Variants in SCN8A observed in about 807,000 individuals in gnomAD.
SCN8A encodes sodium voltage-gated channel alpha subunit 8.
A neutral mutation model predicts 184.1 loss-of-function variants in SCN8A; 30 were observed. That is an observed-to-expected ratio of 0.16 (90% CI 0.12 to 0.22). The LOEUF is 0.22. Among genes scored for constraint, SCN8A ranks in the 10% least tolerant of loss-of-function variants. The pLI, the probability that SCN8A is intolerant of heterozygous loss-of-function variation, is 1.00. For synonymous variants in SCN8A, 852 were observed against 907.0 expected (o/e 0.94, Z 1.09); for missense variants, 1,057 against 2,498.9 (o/e 0.42, Z 12.30).
At chr12:51,748,922 G>T (rs745321311) in intron 13 of SCN8A, among the ~76,000 whole-genome samples, 16 of 152,180 alleles carry the variant, frequency 1.1e-4, no homozygotes, top group Non-Finnish European at 2.1e-4. Context: ...CACTATCTTG[G>T]TGAAATTGTG....
intron 6 of SCN8A, chr12:51,689,381 G>T: frequency 2.8e-6 from 1 of 359,468 alleles, no homozygotes. Flanking sequence ...AGAGCTAGCT[G>T]TCTCTTTGTA....
At chr12:51,715,657 C>CAAAAAAA (rs71092719) in intron 11 of SCN8A, among the ~76,000 whole-genome samples, 1 of 71,848 alleles carries the variant, frequency 1.4e-5, no homozygotes, top group African/African-American at 5.3e-5. Flanking sequence ...GTCTCTGTCT[C>CAAAAAAA]AAAAAAAAAA....
At chr12:51,621,027 A>G (rs572765819) in intron 1 of SCN8A, among the ~76,000 whole-genome samples, 1 of 152,152 alleles carries the variant, frequency 6.6e-6, no homozygotes, top group South Asian at 2.1e-4. Flanking sequence ...ACCACGGTGG[A>G]GCAGACTATG....
Position 51,788,440 on chromosome 12 carries a change from T to G in SCN8A, c.4228-255T>G, listed in dbSNP as rs141295847. ...AGGCAGGCTTCTCAGGCCCATGTTT[T>G]TGAGTCCTTTCGTAAAGCCTTAATC... On this transcript the variant is annotated intron_variant, in intron 22 of 26. Coordinates refer to ENST00000627620, the MANE Select transcript of SCN8A (RefSeq NM_001330260.2). 36 of 271,368 alleles carry G rather than the reference T, an allele frequency of 1.3e-4. 1 individual carries two copies. The East Asian group carries it at 2.5e-3, about 19-fold the overall frequency. The allele number at this position is 271,368 out of a possible 1,614,324, so 16.8% of individuals were successfully genotyped here.
intron 14 of SCN8A, among the ~76,000 whole-genome samples, chr12:51,754,028 G>T (rs1476279526): frequency 6.6e-6 from 1 of 152,108 alleles, no homozygotes; most frequent in African/African-American, 2.4e-5. Flanking sequence ...AAAGAAAGAT[G>T]AGAACAGTCT....
At chr12:51,693,980 T>C (rs1374237497) in intron 6 of SCN8A, among the ~76,000 whole-genome samples, 3 of 152,258 alleles carry the variant, frequency 2.0e-5, no homozygotes, top group African/African-American at 4.8e-5. Flanking sequence ...TCACGCAGGC[T>C]GGAGTGCAAC....
At chr12:51,648,451 G>A (rs913545751) in intron 1 of SCN8A, among the ~76,000 whole-genome samples, 7 of 152,174 alleles carry the variant, frequency 4.6e-5, no homozygotes, top group African/African-American at 1.2e-4. Flanking sequence ...AAATGTGGAT[G>A]TATTAGTCCG....
intron 12 of SCN8A, among the ~76,000 whole-genome samples, chr12:51,739,839 G>T (rs1414825490): frequency 1.3e-5 from 2 of 152,356 alleles, no homozygotes; most frequent in East Asian, 1.9e-4. Context: ...AAATATAGAA[G>T]TGTGAAGTGG....
chr12:51,606,358 C>CT lies in SCN8A; in HGVS notation c.-55+15001dup, dbSNP rs372540047. On this transcript the variant is annotated intron_variant, in intron 1 of 26. Transcript: ENST00000627620. ...TGTTGAAAAGGGTGTCTATTCCCCG[C>CT]TTACGTTTTTGTTTCCTTTGTTGAA... Among the ~76,000 whole-genome samples the CT allele has an allele frequency of 7.9e-4, 121 of 152,226 alleles. 1 individual carries two copies. Among genetic ancestry groups the CT allele is most frequent in the African/African-American group, 2.4e-3 (100 of 41,552 alleles).
At chr12:51,738,589 C>T (rs543387575) in intron 12 of SCN8A, among the ~76,000 whole-genome samples, 49 of 152,304 alleles carry the variant, frequency 3.2e-4, no homozygotes, top group South Asian at 8.3e-4. Context: ...TCCAAATCCT[C>T]CTGTTCGTTT....
chr12:51,759,433 G>T (rs921212214), intron 14 of SCN8A, among the ~76,000 whole-genome samples: 1 of 152,178 alleles, frequency 6.6e-6, no homozygotes, highest in Admixed American at 6.5e-5. Flanking sequence ...ACTGGACAAA[G>T]GGATGATTCA....
intron 1 of SCN8A, among the ~76,000 whole-genome samples, chr12:51,595,766 A>T (rs555018321): frequency 6.6e-6 from 1 of 152,298 alleles, no homozygotes; most frequent in Non-Finnish European, 1.5e-5. Flanking sequence ...GTATTTATGT[A>T]TGTATTTGAC....
At chr12:51,681,953 TAA>T (rs879887639) in intron 2 of SCN8A, among the ~76,000 whole-genome samples, 5 of 145,080 alleles carry the variant, frequency 3.4e-5, no homozygotes, top group Non-Finnish European at 1.5e-5. Context: ...GGATGGAGGT[TAA>T]AAAAAAAAAG....
intron 4 of SCN8A, 22 bp downstream of exon 4, chr12:51,686,479 G>T: frequency 6.8e-7 from 1 of 1,463,892 alleles, no homozygotes; most frequent in Non-Finnish European, 9.5e-7. Context: ...ATTTATGTGT[G>T]TGCTTGTTTG....
rs73295752 is a variant in SCN8A, at chr12:51,603,393, A to G, written c.-55+12034A>G. On this transcript the variant is annotated intron_variant, in intron 1 of 26. Transcript: ENST00000627620. ...AGTAGTATTGTATGTAACTGTTCCA[A>G]TGCATATACATTGTATATAACAGTT... is the stretch of plus-strand genomic sequence containing the variant. 4.3e-3 allele frequency among the ~76,000 whole-genome samples: 656 copies of G among 152,302 alleles called. 2 individuals carry two copies. Among genetic ancestry groups the G allele is most frequent in the African/African-American group, 0.013 (560 of 41,550 alleles).
At chr12:51,599,361 C>G (rs1417779415) in intron 1 of SCN8A, among the ~76,000 whole-genome samples, 1 of 152,082 alleles carries the variant, frequency 6.6e-6, no homozygotes, top group African/African-American at 2.4e-5. Flanking sequence ...AAAGAGAGAG[C>G]ATTTCAAGTT....
chr12:51,781,315 A>G (rs920673368), intron 21 of SCN8A, among the ~76,000 whole-genome samples: 4 of 152,030 alleles, frequency 2.6e-5, no homozygotes, highest in African/African-American at 9.7e-5. Context: ...TTCTATTCAG[A>G]TTCCTCTTAT....
chr12:51,659,423 T>C (rs896012550), intron 1 of SCN8A, among the ~76,000 whole-genome samples: 1 of 152,242 alleles, frequency 6.6e-6, no homozygotes, highest in Non-Finnish European at 1.5e-5. Flanking sequence ...AGCTGTGCAC[T>C]TAAGGTTTGC....
intron 14 of SCN8A, among the ~76,000 whole-genome samples, chr12:51,759,416 T>G (rs560578283): frequency 6.6e-6 from 1 of 152,190 alleles, no homozygotes; most frequent in Non-Finnish European, 1.5e-5. Context: ...TTATACAGCA[T>G]GGATACACTG....
Sources: allele counts gnomAD v4.1 joint callset (sites outside exome capture counted in the v4.1 genomes callset), GRCh38; gene constraint gnomAD v4.1.1; transcripts MANE v1.5; gene names NCBI Gene and HGNC (gene_info 2026-07-23, HGNC 2026-07-21).